Variants in KCNH1 observed in about 807,000 individuals in gnomAD.
The protein encoded by KCNH1 is voltage-gated delayed rectifier potassium channel KCNH1.
KCNH1 carries 27 observed loss-of-function variants against 69.2 expected under a neutral mutation model. That is an observed-to-expected ratio of 0.39 (90% CI 0.29 to 0.54). KCNH1 has a LOEUF of 0.54. KCNH1 is among the 20% of genes least tolerant of loss of function. KCNH1 has a pLI of 0.68. For synonymous variants in KCNH1, 456 were observed against 487.7 expected (o/e 0.93, Z 0.86); for missense variants, 798 against 1,261.6 (o/e 0.63, Z 5.57).
intron 1 of KCNH1, among the ~76,000 whole-genome samples, chr1:211,126,567 C>T (rs956346707): frequency 2.0e-5 from 3 of 150,524 alleles, no homozygotes; most frequent in Admixed American, 6.6e-5. Flanking sequence ...CCCAGCTACT[C>T]GGGAGGCTGA....
intron 7 of KCNH1, among the ~76,000 whole-genome samples, chr1:210,913,677 T>C (rs1307791943): frequency 1.3e-5 from 2 of 152,188 alleles, no homozygotes; most frequent in African/African-American, 4.8e-5. Flanking sequence ...GGAGGACTAA[T>C]GTTTCCTAGT....
intron 7 of KCNH1, among the ~76,000 whole-genome samples, chr1:210,813,227 G>A (rs1684743468): frequency 6.6e-6 from 1 of 152,178 alleles, no homozygotes; most frequent in African/African-American, 2.4e-5. Context: ...TTAAAAGACT[G>A]CTGCCTTTTA....
chr1:210,869,821 C>A (rs908292675), intron 7 of KCNH1, among the ~76,000 whole-genome samples: 9 of 152,072 alleles, frequency 5.9e-5, no homozygotes, highest in South Asian at 2.1e-4. Context: ...CTTCTACCAG[C>A]CCTGTATTGC....
At chr1:210,864,512 G>A (rs1368495571) in intron 7 of KCNH1, among the ~76,000 whole-genome samples, 1 of 152,210 alleles carries the variant, frequency 6.6e-6, no homozygotes, top group African/African-American at 2.4e-5. Context: ...AGCAAAATAT[G>A]TGTCAGCTGC....
intron 1 of KCNH1, among the ~76,000 whole-genome samples, chr1:211,118,501 C>A (rs779020449): frequency 5.9e-5 from 9 of 152,174 alleles, no homozygotes; most frequent in African/African-American, 2.2e-4. Flanking sequence ...TTTTTTACCC[C>A]CTAAGGGTCT....
chr1:210,985,292 C>CTT (rs1453304475), intron 6 of KCNH1, among the ~76,000 whole-genome samples: 1 of 152,132 alleles, frequency 6.6e-6, no homozygotes, highest in Non-Finnish European at 1.5e-5. Context: ...TTCAGTTCTG[C>CTT]TCTGATCTTA....
intron 5 of KCNH1, among the ~76,000 whole-genome samples, chr1:211,019,592 TTA>T (rs1291521887): frequency 6.6e-6 from 1 of 152,222 alleles, no homozygotes; most frequent in Non-Finnish European, 1.5e-5. Context: ...CTTTGTTCTA[TTA>T]GCCAATTATT....
chr1:210,774,310 G>C (rs199705826), intron 10 of KCNH1, among the ~76,000 whole-genome samples: 1 of 152,164 alleles, frequency 6.6e-6, no homozygotes, highest in African/African-American at 2.4e-5. Context: ...CATGAGGAAG[G>C]TTTTTAATGA....
At chr1:210,704,032 C>T (rs1681844767) in intron 10 of KCNH1, among the ~76,000 whole-genome samples, 1 of 152,134 alleles carries the variant, frequency 6.6e-6, no homozygotes, top group Non-Finnish European at 1.5e-5. Context: ...GTCACCAGTG[C>T]CCAGCTGTTA....
intron 10 of KCNH1, among the ~76,000 whole-genome samples, chr1:210,761,428 A>T (rs548317479): frequency 6.6e-6 from 1 of 152,174 alleles, no homozygotes; most frequent in Non-Finnish European, 1.5e-5. Context: ...TAAATGCTCC[A>T]ATTAAAATAC....
intron 6 of KCNH1, among the ~76,000 whole-genome samples, chr1:210,927,041 G>A (rs1285368566): frequency 6.6e-6 from 1 of 152,098 alleles, no homozygotes; most frequent in Non-Finnish European, 1.5e-5. Flanking sequence ...TTTAAAAAAT[G>A]AACAAAGCCT....
At chr1:210,999,888 A>G (rs1477922666) in intron 6 of KCNH1, among the ~76,000 whole-genome samples, 1 of 152,258 alleles carries the variant, frequency 6.6e-6, no homozygotes, top group Non-Finnish European at 1.5e-5. Flanking sequence ...ATAATCCAGC[A>G]TATAAACAGA....
At position 211,055,546 on chromosome 1, in the gene KCNH1, T is replaced by C. The variant is rs77874739; in HGVS notation, c.558+27234A>G. On this transcript the variant is annotated intron_variant, in intron 5 of 10. Transcript: ENST00000271751. ...CTGTGCTGGACTCGAAGATAATGAG[T>C]GTGGGGTGAATGTGACCCAGTAAGA... Among the ~76,000 whole-genome samples the C allele has an allele frequency of 9.0e-3, 1,374 of 152,164 alleles. 62 individuals are homozygous for C. The East Asian group carries it at 0.094, about 10-fold the overall frequency.
chr1:210,712,981 A>T (rs573797322), intron 10 of KCNH1, among the ~76,000 whole-genome samples: 1 of 151,888 alleles, frequency 6.6e-6, no homozygotes, highest in African/African-American at 2.4e-5. Flanking sequence ...AATGCAGATG[A>T]CTCGTGCACA....
intron 10 of KCNH1, among the ~76,000 whole-genome samples, chr1:210,732,896 C>T (rs1032320634): frequency 6.6e-6 from 1 of 152,200 alleles, no homozygotes. Flanking sequence ...TAGTTTTCAA[C>T]ATATGAATTT....
At chr1:210,770,583 G>A (rs574516623) in intron 10 of KCNH1, among the ~76,000 whole-genome samples, 1 of 152,348 alleles carries the variant, frequency 6.6e-6, no homozygotes, top group South Asian at 2.1e-4. Context: ...GCTGCCTAAC[G>A]AAAGCGAAAT....
chr1:210,833,392 T>C (rs1346029128), intron 7 of KCNH1, among the ~76,000 whole-genome samples: 2 of 152,078 alleles, frequency 1.3e-5, no homozygotes, highest in South Asian at 2.1e-4. Context: ...TATCTACCAC[T>C]ATCTGATCTT....
intron 6 of KCNH1, among the ~76,000 whole-genome samples, chr1:210,984,535 G>C (rs563813564): frequency 2.6e-5 from 4 of 152,134 alleles, no homozygotes; most frequent in African/African-American, 9.7e-5. Context: ...AGATAATCAT[G>C]TGGTTTTTGT....
intron 6 of KCNH1, among the ~76,000 whole-genome samples, chr1:210,928,905 T>G (rs1170341782): frequency 6.6e-6 from 1 of 152,132 alleles, no homozygotes; most frequent in Non-Finnish European, 1.5e-5. Flanking sequence ...ATGAAAACCT[T>G]TATGTGCATA....
Sources: gnomAD v4.1 joint callset for allele counts (sites outside exome capture counted in the v4.1 genomes callset) on GRCh38, gnomAD v4.1.1 for gene constraint, MANE v1.5 for transcripts, NCBI Gene and HGNC (gene_info 2026-07-23, HGNC 2026-07-21) for gene names.